The following TUSC3 variants were observed in gnomAD, a reference collection of about 807,000 sequenced individuals.
TUSC3 encodes tumor suppressor candidate 3.
TUSC3 carries 45 observed loss-of-function variants against 44.8 expected under a neutral mutation model. The ratio of observed to expected loss-of-function variants is 1.00; its 90% CI spans 0.79 to 1.29. The LOEUF (loss-of-function observed/expected upper bound fraction) is 1.29. Ranked by LOEUF, TUSC3 falls within the 50% of genes most tolerant of loss-of-function variation. The pLI is 0.00. For missense variants in TUSC3, 519 were observed against 437.9 expected, an observed-to-expected ratio of 1.19 and a Z score of -1.65; for synonymous variants, 212 against 152.9, an observed-to-expected ratio of 1.39 and a Z score of -2.85.
chr8:15,806,016 C>T, the TUSC3 span: 5 of 209,944 alleles, frequency 2.4e-5, no homozygotes, highest in South Asian at 3.3e-4. Context: ...CTGAAGTTCT[C>T]TGGTGTGATC....
intron 2 of TUSC3, among the ~76,000 whole-genome samples, chr8:15,501,526 A>AT (rs1563267591): frequency 6.6e-6 from 1 of 152,200 alleles, no homozygotes. Context: ...TGTTTATTGA[A>AT]TCTGGAATCA....
At chr8:15,764,015 C>G (rs1812255405) in intron 10 of TUSC3, among the ~76,000 whole-genome samples, 188 bp from the exon 11 acceptor site, 1 of 152,046 alleles carries the variant, frequency 6.6e-6, no homozygotes, top group Admixed American at 6.6e-5. Context: ...TGTTCCCAAC[C>G]TAAGCCTCAT....
the TUSC3 span, among the ~76,000 whole-genome samples, chr8:15,839,034 T>A: frequency 6.6e-6 from 1 of 152,184 alleles, no homozygotes; most frequent in South Asian, 2.1e-4. Flanking sequence ...TTTATTTCAC[T>A]GAGCAGTGGT....
At chr8:15,807,464 A>T in the TUSC3 span, among the ~76,000 whole-genome samples, 2 of 152,104 alleles carry the variant, frequency 1.3e-5, no homozygotes, top group African/African-American at 4.8e-5. Flanking sequence ...AAAGCTTTTA[A>T]TGTCTCAAAG....
chr8:15,497,800 A>C (rs984583028), intron 2 of TUSC3, among the ~76,000 whole-genome samples: 1 of 149,630 alleles, frequency 6.7e-6, no homozygotes, highest in African/African-American at 2.5e-5. Flanking sequence ...GCTGGAGTGC[A>C]ATGGTGTGAT....
In TUSC3 at chr8:15,529,944, C is replaced by CCCACCA. The variant is rs1379985936; in HGVS notation, n.189+46463_189+46464insACCACC. 4.6e-3 allele frequency among the ~76,000 whole-genome samples: 128 copies of CCCACCA among 27,602 alleles called. 1 individual carries two copies. The highest frequency in any genetic ancestry group is 7.3e-3 in the Non-Finnish European group (82 of 11,240). 18.1% of individuals were successfully genotyped at this position (27,602 alleles called of 152,430 possible). A position where few individuals can be genotyped will look rare whatever the true frequency, so the allele number is the denominator to read the frequency against. ...TCCCGAGTAGCTGGGACTACAGGCG[C>CCCACCA]CCGGCTAATTTTTTGTATTTTTAGT... On this transcript the variant is annotated intron_variant and non_coding_transcript_variant, in intron 2 of 5. Coordinates refer to the TUSC3 transcript ENST00000503191.
chr8:15,578,945 C>T (rs971774122), intron 1 of TUSC3, among the ~76,000 whole-genome samples: 2 of 152,098 alleles, frequency 1.3e-5, no homozygotes, highest in Non-Finnish European at 2.9e-5. Flanking sequence ...CCATCTGGTC[C>T]TGGACTCTTT....
intron 1 of TUSC3, among the ~76,000 whole-genome samples, chr8:15,606,400 G>T (rs996478361): frequency 2.0e-5 from 3 of 152,034 alleles, no homozygotes; most frequent in African/African-American, 7.2e-5. Context: ...CTTCTGGTCA[G>T]CAGTAAGCTT....
At chr8:15,730,855 T>G (rs938004292) in intron 7 of TUSC3, 126 bp downstream of exon 7, 7 of 822,960 alleles carry the variant, frequency 8.5e-6, no homozygotes, top group Middle Eastern at 4.7e-4. Flanking sequence ...CTGTACTATA[T>G]GACTAATTTT....
chr8:15,719,516 C>CACA (rs1554481164), intron 6 of TUSC3, among the ~76,000 whole-genome samples: 4 of 16,194 alleles, frequency 2.5e-4, no homozygotes, highest in African/African-American at 9.5e-4. Context: ...CACACACACA[C>CACA]CACACACACA....
intron 1 of TUSC3, among the ~76,000 whole-genome samples, chr8:15,617,136 ATATT>A (rs1217094922): frequency 1.2e-4 from 1 of 8,206 alleles, no homozygotes; most frequent in African/African-American, 2.5e-4. Flanking sequence ...GTGTGTGTAT[ATATT>A]TTTTTTTTTT....
intron 1 of TUSC3, among the ~76,000 whole-genome samples, chr8:15,567,043 C>G (rs1802704688): frequency 6.6e-6 from 1 of 152,064 alleles, no homozygotes. Flanking sequence ...TGGGAATGTG[C>G]AACAAATTCT....
intron 6 of TUSC3, among the ~76,000 whole-genome samples, chr8:15,729,965 A>C (rs1443427114): frequency 6.6e-6 from 1 of 151,990 alleles, no homozygotes; most frequent in Non-Finnish European, 1.5e-5. Flanking sequence ...TTATACTCCA[A>C]GGTGTTATTT....
At chr8:15,537,961 C>G (rs574257764), upstream of TUSC3, among the ~76,000 whole-genome samples, 1 of 152,194 alleles carries the variant, frequency 6.6e-6, no homozygotes, top group East Asian at 1.9e-4. Context: ...AGTGTTAAAG[C>G]AAAAATACGC....
chr8:15,727,304 T>A (rs1260184774), intron 6 of TUSC3, among the ~76,000 whole-genome samples: 10 of 152,216 alleles, frequency 6.6e-5, no homozygotes, highest in Non-Finnish European at 1.3e-4. Flanking sequence ...TCATTGGTAT[T>A]CTTGTGCTTA....
At chr8:15,450,844 C>A (rs1800188695) in intron 1 of TUSC3, among the ~76,000 whole-genome samples, 2 of 152,090 alleles carry the variant, frequency 1.3e-5, no homozygotes, top group South Asian at 2.1e-4. Context: ...ATTCATAGAA[C>A]CTCCAGAGGA....
chr8:15,746,139 T>C (rs1811404028), intron 8 of TUSC3, among the ~76,000 whole-genome samples: 1 of 152,102 alleles, frequency 6.6e-6, no homozygotes. Context: ...ATACTGTTAA[T>C]TATGTGTTTA....
chr8:15,788,209 G>A, the TUSC3 span, among the ~76,000 whole-genome samples: 2 of 152,108 alleles, frequency 1.3e-5, no homozygotes, highest in Non-Finnish European at 2.9e-5. Flanking sequence ...ACTAAATACT[G>A]GTTGTTTTAC....
Position 15,712,798 on chromosome 8 carries a change from A to G in TUSC3, c.799-17868A>G, listed in dbSNP as rs78895275. On this transcript the variant is annotated intron_variant, in intron 6 of 10. Transcript: ENST00000503731. ...CTTTATTCTAGTCTTCACAGGTCACAGTAAGGGTCACTTTAGATGACCTTA... is the reference window on the plus strand; with the variant it reads ...CTTTATTCTAGTCTTCACAGGTCACGGTAAGGGTCACTTTAGATGACCTTA... 6.8e-4 allele frequency among the ~76,000 whole-genome samples: 103 copies of G among 152,264 alleles called. 1 individual carries two copies. In the East Asian group the frequency reaches 0.018, roughly 26 times the overall value.
Sources: allele counts gnomAD v4.1 joint callset (sites outside exome capture counted in the v4.1 genomes callset), GRCh38; gene constraint gnomAD v4.1.1; transcripts MANE v1.5; gene names NCBI Gene and HGNC (gene_info 2026-07-23, HGNC 2026-07-21).